IGFL2: variants seen among roughly 807,000 people sequenced by gnomAD.
The protein encoded by IGFL2 is insulin growth factor-like family member 2.
A neutral mutation model predicts 13.9 loss-of-function variants in IGFL2; 7 were observed. The ratio of observed to expected loss-of-function variants is 0.51; its 90% CI spans 0.29 to 0.95. The LOEUF is 0.95. Among genes scored for constraint, IGFL2 ranks in the 40% least tolerant of loss-of-function variants. The pLI is 0.08. For synonymous variants in IGFL2, 55 were observed against 55.8 expected (o/e 0.99, Z 0.07); for missense variants, 138 against 147.8 (o/e 0.93, Z 0.34).
the IGFL2 span, among the ~76,000 whole-genome samples, chr19:46,132,812 C>A: frequency 8.6e-5 from 13 of 151,962 alleles, no homozygotes; most frequent in Non-Finnish European, 1.9e-4. Context: ...GGAACCCAAA[C>A]CAACTTAGGC....
At chr19:46,187,605 C>T in the IGFL2 span, among the ~76,000 whole-genome samples, 10,197 of 107,724 alleles carry the variant, frequency 0.095, 558 homozygotes, top group Non-Finnish European at 0.12. Flanking sequence ...AGCATTAACC[C>T]GTTTAAACCT....
the IGFL2 span, among the ~76,000 whole-genome samples, chr19:46,168,512 C>A: frequency 6.6e-6 from 1 of 152,164 alleles, no homozygotes. Flanking sequence ...CTTGCTATTG[C>A]CACAAGTAGC....
At chr19:46,203,699 C>T in the IGFL2 span, 1 of 152,412 alleles carries the variant, frequency 6.6e-6, no homozygotes, top group African/African-American at 2.4e-5. Context: ...GCATTCCTAG[C>T]ATTCTGGGTT....
At chr19:46,122,430 G>A in the IGFL2 span, among the ~76,000 whole-genome samples, 3 of 151,108 alleles carry the variant, frequency 2.0e-5, 1 homozygote, top group Non-Finnish European at 4.4e-5. Flanking sequence ...ACAAATAGGT[G>A]AAGTCATTTC....
chr19:46,148,366 A>G, intron 1 of IGFL2, 69 bp downstream of exon 1: 1 of 1,304,986 alleles, frequency 7.7e-7, no homozygotes, highest in Non-Finnish European at 1.1e-6. Context: ...TGAACCTCAA[A>G]CTTAATTCTC....
chr19:46,142,540 CAA>C (rs151259012), upstream of IGFL2, among the ~76,000 whole-genome samples: 700 of 152,260 alleles, frequency 4.6e-3, 4 homozygotes, highest in South Asian at 7.3e-3. Flanking sequence ...AATGAAAAAA[CAA>C]TGCACTGTGA....
chr19:46,130,960 A>C, the IGFL2 span, among the ~76,000 whole-genome samples: 1 of 152,164 alleles, frequency 6.6e-6, no homozygotes, highest in African/African-American at 2.4e-5. Context: ...CCACTGCCCT[A>C]CATCTTCTTT....
At chr19:46,131,491 G>A in the IGFL2 span, among the ~76,000 whole-genome samples, 1 of 152,152 alleles carries the variant, frequency 6.6e-6, no homozygotes, top group Non-Finnish European at 1.5e-5. Flanking sequence ...GTTTGGCTTT[G>A]GAAAGCATGA....
the IGFL2 span, among the ~76,000 whole-genome samples, chr19:46,206,394 G>GCA: frequency 6.6e-6 from 1 of 152,174 alleles, no homozygotes; most frequent in South Asian, 2.1e-4. Flanking sequence ...CCTGTTTTTA[G>GCA]CACAGAAAAC....
chr19:46,148,894 G>A (rs1973287077), intron 1 of IGFL2: 2 of 1,547,056 alleles, frequency 1.3e-6, no homozygotes, highest in East Asian at 2.4e-5. Flanking sequence ...TTGGGACTGT[G>A]ATGAGGGGAT....
the IGFL2 span, among the ~76,000 whole-genome samples, chr19:46,171,541 C>T: frequency 1.3e-5 from 2 of 152,238 alleles, no homozygotes; most frequent in East Asian, 3.9e-4. Context: ...TCTCTATCTC[C>T]ATTTTCTGTC....
At chr19:46,214,888 T>TGCGC in the IGFL2 span, 1 of 122,402 alleles carries the variant, frequency 8.2e-6, no homozygotes, top group African/African-American at 2.9e-5. Flanking sequence ...AACACACGCG[T>TGCGC]GCGCGCACAC....
chr19:46,193,150 T>C, the IGFL2 span, among the ~76,000 whole-genome samples: 64 of 152,162 alleles, frequency 4.2e-4, no homozygotes, highest in South Asian at 1.2e-3. Context: ...CAAGATCGTG[T>C]CACTGCACTC....
chr19:46,122,725 T>C, the IGFL2 span, among the ~76,000 whole-genome samples: 1 of 150,888 alleles, frequency 6.6e-6, no homozygotes, highest in Non-Finnish European at 1.5e-5. Flanking sequence ...ACTGCAATGG[T>C]TTACATACAT....
chr19:46,135,942 T>C, the IGFL2 span, among the ~76,000 whole-genome samples: 20 of 152,354 alleles, frequency 1.3e-4, no homozygotes, highest in East Asian at 3.7e-3. Context: ...CTTGTAGGGT[T>C]TCTGTTGAAA....
At chr19:46,192,689 G>T in the IGFL2 span, among the ~76,000 whole-genome samples, 1 of 152,012 alleles carries the variant, frequency 6.6e-6, no homozygotes, top group African/African-American at 2.4e-5. Context: ...AAAGTTCTGG[G>T]ATTACAGGTG....
the IGFL2 span, among the ~76,000 whole-genome samples, chr19:46,126,743 A>G: frequency 6.6e-6 from 1 of 152,236 alleles, no homozygotes; most frequent in Non-Finnish European, 1.5e-5. Context: ...TTAAAATGAC[A>G]GTTACACTCA....
At chr19:46,120,039 C>T in the IGFL2 span, 1 of 450,010 alleles carries the variant, frequency 2.2e-6, no homozygotes, top group Non-Finnish European at 4.0e-6. Context: ...TGCTCAGTGT[C>T]CAGGAAGAAT....
At chr19:46,170,410 T>C in the IGFL2 span, among the ~76,000 whole-genome samples, 1 of 152,254 alleles carries the variant, frequency 6.6e-6, no homozygotes, top group African/African-American at 2.4e-5. Flanking sequence ...TGAGGATGTA[T>C]GCTGCCTCAG....
Sources: gnomAD v4.1 joint callset for allele counts (sites outside exome capture counted in the v4.1 genomes callset) on GRCh38, gnomAD v4.1.1 for gene constraint, MANE v1.5 for transcripts, NCBI Gene and HGNC (gene_info 2026-07-23, HGNC 2026-07-21) for gene names.